The following NFRKB variants were observed in gnomAD, a reference collection of about 807,000 sequenced individuals.
NFRKB encodes nuclear factor related to kappaB binding protein.
In NFRKB, 62 loss-of-function variants were observed where a neutral mutation model predicts 135.7. The observed-to-expected ratio is 0.46, with a 90% CI of 0.37 to 0.56. NFRKB has a LOEUF of 0.56. Ranked by LOEUF, NFRKB falls within the 20% of genes least tolerant of loss-of-function variation. The pLI, the probability that NFRKB is intolerant of heterozygous loss-of-function variation, is 0.00. For synonymous variants in NFRKB, 678 were observed against 635.6 expected, an observed-to-expected ratio of 1.07 and a Z score of -1.00; for missense variants, 1,545 against 1,662.0, an observed-to-expected ratio of 0.93 and a Z score of 1.22.
At chr11:129,881,685 A>C (rs1949034932) in intron 12 of NFRKB, 42 bp downstream of exon 12, 1 of 1,607,402 alleles carries the variant, frequency 6.2e-7, no homozygotes, top group Non-Finnish European at 8.5e-7. Context: ...TAATTAGACA[A>C]AAGGGGGAAA....
rs548284678 is a variant in NFRKB, at chr11:129,865,009, G to A, written c.3731C>T (p.Ala1244Val). ...AGNKPVSFLT[A>V]QQLQQLQQQG... ...CTGCTGAAGCTGCTGCAACTGCTGA[G>A]CAGTGAGGAAACTAACAGGCTTATT... Residue 1244 changes from alanine (A) to valine (V), a missense_variant, in exon 26 of 27, where the codon GCT becomes GTT. This residue lies in a region of NFRKB where 753 missense variants were observed against 804.3 expected (regional missense o/e 0.94). Transcript: ENST00000682444. 1 of 1,613,268 alleles carries A rather than the reference G, an allele frequency of 6.2e-7. No homozygotes were observed. The highest frequency in any genetic ancestry group is 1.1e-5 in the South Asian group (1 of 91,040).
At chr11:129,883,749 C>A (rs1184176045) in intron 8 of NFRKB, among the ~76,000 whole-genome samples, 1 of 152,186 alleles carries the variant, frequency 6.6e-6, no homozygotes, top group Non-Finnish European at 1.5e-5. Context: ...CAGGGCCCAA[C>A]TCCTGGCTCT....
At chr11:129,882,257 G>C in intron 10 of NFRKB, 63 bp from the exon 11 acceptor site, 1 of 1,461,030 alleles carries the variant, frequency 6.8e-7, no homozygotes, top group Non-Finnish European at 9.3e-7. Flanking sequence ...GATTGATTCA[G>C]GCGCCCAAGC....
chr11:129,865,812 A>T, intron 25 of NFRKB, 65 bp downstream of exon 25: 1 of 1,432,382 alleles, frequency 7.0e-7, no homozygotes, highest in Non-Finnish European at 9.8e-7. Context: ...GGTGACAAGG[A>T]CTGGTAAGCC....
Position 129,874,811 on chromosome 11 carries a change from G to A in NFRKB, c.1960C>T (p.Arg654Trp), listed in dbSNP as rs758952842. 2 of 1,614,060 alleles carry A rather than the reference G, an allele frequency of 1.2e-6. No homozygotes were observed. Among genetic ancestry groups the A allele is most frequent in the South Asian group, 2.2e-5 (2 of 91,070 alleles). The change falls in exon 19 of 27, where the codon CGG becomes TGG. Residue 654 changes from arginine (R) to tryptophan (W), a missense_variant. Arg to Trp is a moderately radical substitution (Grantham distance 101, BLOSUM62 -3). Transcript: ENST00000682444. This position sits in a 1 kb window ranked among gnomAD's most constrained non-coding sequence, Gnocchi z 4.5. ...CACACACCAAACTCTTCTTCACTCC[G>A]GTCACGATGCAGGTAGATCCACAGC... ...RKLWIYLHRD[R>W]SEEEFERIHQ...
chr11:129,873,699 T>A, intron 22 of NFRKB, 46 bp downstream of exon 22: 4 of 1,595,386 alleles, frequency 2.5e-6, no homozygotes, highest in Middle Eastern at 1.8e-4. Flanking sequence ...AGCCCACCTC[T>A]GGGTCTGCAT....
intron 3 of NFRKB, 121 bp from the exon 4 acceptor site, chr11:129,888,916 A>G (rs1223142304): frequency 1.4e-6 from 1 of 698,618 alleles, no homozygotes; most frequent in Non-Finnish European, 2.4e-6. Flanking sequence ...TTTTAAGTGT[A>G]GACTTCAGTG....
At chr11:129,870,358 G>T in intron 23 of NFRKB, 97 bp from the exon 24 acceptor site, 1 of 1,383,964 alleles carries the variant, frequency 7.2e-7, no homozygotes, top group Non-Finnish European at 9.8e-7. Flanking sequence ...TAGATGTTTT[G>T]TATTTTTTTT....
rs777849804 is a variant in NFRKB at position 129,878,488 on chromosome 11, C to T, written c.1440G>A (p.Glu480=). The T allele has an allele frequency of 6.2e-7, 1 of 1,614,156 alleles. No homozygotes were observed. Among genetic ancestry groups the T allele is most frequent in the Non-Finnish European group, 8.5e-7 (1 of 1,180,002 alleles). ...ELAALFQLWL[E]TKDQAFCKQE... ...CCTTACAGAAGGCCTGATCTTTGGT[C>T]TCTAGCCATAGCTGGAAGAGGGCAG... is the stretch of plus-strand genomic sequence containing the variant. Residue 480 remains glutamate (E), a synonymous_variant, in exon 14 of 27, where the codon GAG becomes GAA. Transcript: ENST00000682444.
chr11:129,876,204 A>C (rs1001140220), intron 17 of NFRKB, among the ~76,000 whole-genome samples: 1 of 152,354 alleles, frequency 6.6e-6, no homozygotes, highest in South Asian at 2.1e-4. Flanking sequence ...AAATTTCAAG[A>C]AATGTCAGAC....
In NFRKB at chr11:129,874,693, T is replaced by C; in HGVS notation, c.1978+100A>G. 1 of 1,604,690 alleles carries C rather than the reference T, an allele frequency of 6.2e-7. No individual in the cohort carries two copies. The highest frequency in any genetic ancestry group is 8.5e-7 in the Non-Finnish European group (1 of 1,172,916). On this transcript the variant is annotated intron_variant, in intron 19 of 26. Transcript: ENST00000682444. This position sits in a 1 kb window ranked among gnomAD's most constrained non-coding sequence, Gnocchi z 4.5. The stretch of plus-strand genomic sequence containing the variant: ...TGGACTGAATCCTGCCTCTACCATC[T>C]TGTCCTACCTATATGCCAATGAAAA...
intron 24 of NFRKB, among the ~76,000 whole-genome samples, chr11:129,866,704 C>T (rs757721163): frequency 3.3e-5 from 5 of 152,136 alleles, no homozygotes; most frequent in Non-Finnish European, 7.4e-5. Flanking sequence ...ACTGCATTAC[C>T]TGTTTTCAGA....
intron 2 of NFRKB, 92 bp from the exon 3 acceptor site, chr11:129,892,962 A>G: frequency 6.3e-7 from 1 of 1,591,824 alleles, no homozygotes; most frequent in Non-Finnish European, 8.5e-7. Flanking sequence ...TTCAACCTCC[A>G]GCCAGTTCTT....
intron 12 of NFRKB, 68 bp downstream of exon 12, chr11:129,881,659 A>G (rs1353344708): frequency 1.3e-5 from 21 of 1,591,154 alleles, no homozygotes; most frequent in Non-Finnish European, 1.8e-5. Flanking sequence ...GCAAAGCTGC[A>G]GTTTATTCTA....
Position 129,869,483 on chromosome 11 carries a change from T to TA in NFRKB, c.3531+10dup. On this transcript the variant is annotated intron_variant, in intron 24 of 26. Transcript: ENST00000682444. Reference sequence around the variant, plus strand: ...AAAAAGAAGGCCTAAGCTTTACCACTAGTTACTCACAGCCTGGGACGTGGA... The same window carrying TA: ...AAAAAGAAGGCCTAAGCTTTACCACTAAGTTACTCACAGCCTGGGACGTGGA... 6.3e-7 allele frequency: 1 copy of TA among 1,595,804 alleles called. No individual in the cohort carries two copies. The highest frequency in any genetic ancestry group is 8.5e-7 in the Non-Finnish European group (1 of 1,174,880).
In NFRKB at chr11:129,881,506, C is replaced by G. The variant is rs761401550; in HGVS notation, c.1321G>C (p.Val441Leu). ...ACAAATGGAGAGAAACTGGAAGGAA[C>G]AGCTGCAAGAAATGGACCACATAAA... ...LQYLAGESRA[V>L]PSSFSPFVEF... is the part of the protein sequence containing the mutation. Residue 441 changes from valine to leucine, a missense_variant and splice_region_variant, in exon 13 of 27, where the codon GTT (valine) becomes CTT (leucine). Val to Leu is a conservative substitution (Grantham distance 32, BLOSUM62 1). Coordinates refer to ENST00000682444, the MANE Select transcript of NFRKB (RefSeq NM_001143835.2). 1 of 1,614,120 alleles carries G rather than the reference C, an allele frequency of 6.2e-7. No homozygotes were observed.
rs1263382647 is a variant in NFRKB at position 129,869,089 on chromosome 11, C to T, written c.3531+405G>A. Among the ~76,000 whole-genome samples, 6 of 152,084 alleles carry T rather than the reference C, an allele frequency of 3.9e-5. No individual in the cohort carries two copies. The East Asian group carries it at 5.8e-4, about 15-fold the overall frequency. ...TCTCTCATGGGTGTTTTTTAAACTA[C>T]GTGTACATGTATGAAAATGCTCAAG... On this transcript the variant is annotated intron_variant, in intron 24 of 26. Coordinates refer to ENST00000682444, the MANE Select transcript of NFRKB (RefSeq NM_001143835.2).
At chr11:129,871,787 G>C (rs929468852) in intron 23 of NFRKB, among the ~76,000 whole-genome samples, 2 of 152,146 alleles carry the variant, frequency 1.3e-5, no homozygotes, top group African/African-American at 4.8e-5. Context: ...CCCAGCAGGT[G>C]GATGTTTCTT....
At position 129,893,100 on chromosome 11, in the gene NFRKB, T is replaced by G. The variant is rs80275270; in HGVS notation, c.-21-230A>C. ...TTTCTCAGAATGCTCCTACAGTAACTCCTAAATTCATAAATTTCATATGCC... is the reference window on the plus strand; with the variant it reads ...TTTCTCAGAATGCTCCTACAGTAACGCCTAAATTCATAAATTTCATATGCC... On this transcript the variant is annotated intron_variant, in intron 2 of 26. Coordinates refer to ENST00000682444, the MANE Select transcript of NFRKB (RefSeq NM_001143835.2). 3,733 of 1,393,490 alleles carry G rather than the reference T, an allele frequency of 2.7e-3. 84 individuals are homozygous for G. In the African/African-American group the frequency reaches 0.047, roughly 18 times the overall value. 86.3% of individuals were successfully genotyped at this position (1,393,490 alleles called of 1,614,324 possible).
Sources: allele counts gnomAD v4.1 joint callset (sites outside exome capture counted in the v4.1 genomes callset), GRCh38; gene constraint gnomAD v4.1.1; regional missense constraint gnomAD v4.1.1; non-coding constraint Gnocchi (gnomAD v3.1); transcripts MANE v1.5; gene names NCBI Gene and HGNC (gene_info 2026-07-23, HGNC 2026-07-21).